Variants in FAM53B observed in about 807,000 individuals in gnomAD.
FAM53B encodes the protein protein FAM53B.
In FAM53B, 12 loss-of-function variants were observed where a neutral mutation model predicts 32.7. The ratio of observed to expected loss-of-function variants is 0.37; its 90% CI spans 0.24 to 0.59. The LOEUF (loss-of-function observed/expected upper bound fraction) is 0.59. FAM53B is among the 20% of genes least tolerant of loss of function. FAM53B has a pLI of 0.72. For synonymous variants in FAM53B, 234 were observed against 228.7 expected (o/e 1.02, Z -0.21); for missense variants, 477 against 577.7 (o/e 0.83, Z 1.79).
intron 4 of FAM53B, among the ~76,000 whole-genome samples, chr10:124,672,500 C>T (rs934401605): frequency 3.3e-5 from 5 of 152,214 alleles, no homozygotes; most frequent in African/African-American, 4.8e-5. Context: ...TTAGGAGAAT[C>T]GAGGAGGCCA....
chr10:124,657,164 ATATATATATG>A (rs1564869767), intron 4 of FAM53B, among the ~76,000 whole-genome samples: 97 of 53,358 alleles, frequency 1.8e-3, no homozygotes, highest in Non-Finnish European at 5.4e-3. Context: ...ATATGTGTGT[ATATATATATG>A]TACATATATA....
intron 4 of FAM53B, among the ~76,000 whole-genome samples, chr10:124,669,949 GGGTGGGT>G (rs1461117182): frequency 6.6e-6 from 1 of 151,254 alleles, no homozygotes; most frequent in Non-Finnish European, 1.5e-5. Flanking sequence ...GAGGATTACA[GGGTGGGT>G]GAGGATTACA....
intron 1 of FAM53B, among the ~76,000 whole-genome samples, chr10:124,739,133 G>A (rs896502046): frequency 3.6e-4 from 55 of 151,740 alleles, no homozygotes; most frequent in African/African-American, 1.3e-3. Context: ...AGGTTTCTCT[G>A]TGGTGTTAAC....
chr10:124,650,348 A>T (rs1300065489), intron 4 of FAM53B, among the ~76,000 whole-genome samples: 1 of 152,180 alleles, frequency 6.6e-6, no homozygotes, highest in Non-Finnish European at 1.5e-5. Context: ...TAGGTCTTCT[A>T]AGCGTTCCAG....
chr10:124,725,122 C>T (rs1012601535), intron 1 of FAM53B, among the ~76,000 whole-genome samples: 5 of 152,226 alleles, frequency 3.3e-5, no homozygotes, highest in Non-Finnish European at 7.3e-5. Context: ...AAAGCCTGCC[C>T]GTCACCTCCC....
chr10:124,719,238 G>C (rs1186575906), intron 1 of FAM53B, among the ~76,000 whole-genome samples: 2 of 152,014 alleles, frequency 1.3e-5, no homozygotes, highest in South Asian at 2.1e-4. Flanking sequence ...TGCCATGGGG[G>C]TGGGGGAACA....
chr10:124,680,608 T>C (rs1358033053), intron 4 of FAM53B, among the ~76,000 whole-genome samples: 4 of 152,234 alleles, frequency 2.6e-5, no homozygotes, highest in Non-Finnish European at 2.9e-5. Flanking sequence ...GCCGTGGATC[T>C]GGCCATAATG....
intron 4 of FAM53B, among the ~76,000 whole-genome samples, chr10:124,642,942 C>T (rs934280533): frequency 1.4e-4 from 21 of 152,228 alleles, no homozygotes; most frequent in Admixed American, 9.2e-4. Flanking sequence ...CTAAGTAAGA[C>T]CCCACAGTGT....
At chr10:124,672,636 A>T (rs1329963492) in intron 4 of FAM53B, among the ~76,000 whole-genome samples, 1 of 152,224 alleles carries the variant, frequency 6.6e-6, no homozygotes, top group Non-Finnish European at 1.5e-5. Flanking sequence ...CTGTGGCCCT[A>T]AGCTGCCCCC....
intron 1 of FAM53B, among the ~76,000 whole-genome samples, chr10:124,711,924 G>A (rs558853683): frequency 3.3e-5 from 5 of 152,196 alleles, no homozygotes; most frequent in African/African-American, 7.2e-5. Flanking sequence ...ATAGCCAGGC[G>A]TGGGAGTGTA....
intron 4 of FAM53B, among the ~76,000 whole-genome samples, chr10:124,662,979 G>C (rs1258525944): frequency 6.6e-6 from 1 of 152,194 alleles, no homozygotes; most frequent in Non-Finnish European, 1.5e-5. Flanking sequence ...TACAAGCCTA[G>C]ACCAGGTGAA....
chr10:124,670,735 G>A (rs1257004686), intron 4 of FAM53B, among the ~76,000 whole-genome samples: 1 of 152,082 alleles, frequency 6.6e-6, no homozygotes, highest in African/African-American at 2.4e-5. Context: ...CCTCAACAAG[G>A]CCTCCCTGTC....
intron 4 of FAM53B, among the ~76,000 whole-genome samples, chr10:124,641,493 A>C (rs2134044786): frequency 6.6e-6 from 1 of 152,344 alleles, no homozygotes; most frequent in African/African-American, 2.4e-5. Context: ...CCCACTGGGG[A>C]GGTGCCTCTC....
chr10:124,657,647 G>C (rs1473139397), intron 4 of FAM53B, among the ~76,000 whole-genome samples: 1 of 152,302 alleles, frequency 6.6e-6, no homozygotes, highest in East Asian at 1.9e-4. Flanking sequence ...AAATGTCAAT[G>C]AATGTGAAAC....
At chr10:124,689,205 A>T (rs1408153331) in intron 3 of FAM53B, among the ~76,000 whole-genome samples, 1 of 152,214 alleles carries the variant, frequency 6.6e-6, no homozygotes, top group Non-Finnish European at 1.5e-5. Context: ...TGGGAAAATC[A>T]AGAGAGCCGA....
chr10:124,644,950 GCCTCTTGCTCTCCC>G (rs969888708), intron 4 of FAM53B, among the ~76,000 whole-genome samples: 20 of 152,224 alleles, frequency 1.3e-4, no homozygotes, highest in Non-Finnish European at 2.6e-4. Flanking sequence ...TGAGGGGCCT[GCCTCTTGCTCTCCC>G]CCTGAATGCC....
At position 124,662,371 on chromosome 10, in the gene FAM53B, A is replaced by G. The variant is rs1477070419; in HGVS notation, c.906+19236T>C. Among the ~76,000 whole-genome samples, 4 of 152,192 alleles carry G rather than the reference A, an allele frequency of 2.6e-5. No homozygotes were observed. In the South Asian group the frequency reaches 8.3e-4, roughly 31 times the overall value. On this transcript the variant is annotated intron_variant, in intron 4 of 4. Transcript: ENST00000337318. ...ATCAATGGAGGAGCTGATGTGCCCAATGGGGAAGAATCCAGGCCTCCTGCC... is the reference window on the plus strand; with the variant it reads ...ATCAATGGAGGAGCTGATGTGCCCAGTGGGGAAGAATCCAGGCCTCCTGCC...
At chr10:124,637,159 T>C (rs577333699) in intron 4 of FAM53B, among the ~76,000 whole-genome samples, 2 of 152,214 alleles carry the variant, frequency 1.3e-5, no homozygotes, top group Admixed American at 6.5e-5. Context: ...AAATGGGGTC[T>C]AGATGCACCT....
At chr10:124,642,414 C>T (rs530151146) in intron 4 of FAM53B, among the ~76,000 whole-genome samples, 2 of 152,364 alleles carry the variant, frequency 1.3e-5, no homozygotes, top group East Asian at 3.9e-4. Context: ...GCAGTGAAGG[C>T]AGTGACTCTA....
Sources: gnomAD v4.1 joint callset for allele counts (sites outside exome capture counted in the v4.1 genomes callset) on GRCh38, gnomAD v4.1.1 for gene constraint, MANE v1.5 for transcripts, NCBI Gene and HGNC (gene_info 2026-07-23, HGNC 2026-07-21) for gene names.